Variants in PLIN2 observed in about 807,000 individuals in gnomAD.
PLIN2 encodes the protein perilipin-2.
Under a neutral mutation model 30.6 loss-of-function variants are expected in PLIN2, and 33 were observed. The ratio of observed to expected loss-of-function variants is 1.08; its 90% CI spans 0.82 to 1.44. PLIN2 has a LOEUF of 1.44. Ranked by LOEUF, PLIN2 falls within the 40% of genes most tolerant of loss-of-function variation. The probability of loss-of-function intolerance (pLI) is 0.00; values close to 1 mark genes in which losing one functional copy is unlikely to be tolerated. For synonymous variants in PLIN2, 205 were observed against 201.1 expected, an observed-to-expected ratio of 1.02 and a Z score of -0.16; for missense variants, 610 against 531.8, an observed-to-expected ratio of 1.15 and a Z score of -1.45.
chr9:19,109,809 A>T (rs1818135966), intron 2 of PLIN2, among the ~76,000 whole-genome samples: 1 of 151,790 alleles, frequency 6.6e-6, no homozygotes, highest in Non-Finnish European at 1.5e-5. Context: ...TACAAAAATT[A>T]GCCGGGTATA....
chr9:19,116,657 TA>T lies in PLIN2; in HGVS notation c.913-9del. 1 of 1,607,142 alleles carries T rather than the reference TA, an allele frequency of 6.2e-7. No homozygotes were observed. Among genetic ancestry groups the T allele is most frequent in the Non-Finnish European group, 8.5e-7 (1 of 1,174,812 alleles). On this transcript the variant is annotated splice_polypyrimidine_tract_variant and intron_variant, in intron 7 of 7. Transcript: ENST00000276914. ...AGTACGTGACTCAATGTGCTAAAAATAAAACTTAAAATTAGCAGTGGATCCA... is the reference window on the plus strand; with the variant it reads ...AGTACGTGACTCAATGTGCTAAAAATAAACTTAAAATTAGCAGTGGATCCA...
chr9:19,110,274 C>G (rs536485024), intron 2 of PLIN2, among the ~76,000 whole-genome samples: 1 of 152,046 alleles, frequency 6.6e-6, no homozygotes, highest in South Asian at 2.1e-4. Flanking sequence ...GTGGTCCAAC[C>G]TCCTTGGCTT....
downstream of PLIN2, among the ~76,000 whole-genome samples, chr9:19,113,085 G>GT (rs368098357): frequency 6.3e-4 from 96 of 152,106 alleles, no homozygotes; most frequent in African/African-American, 2.3e-3. Flanking sequence ...GCTCACGCCT[G>GT]TAATCCCAGC....
At chr9:19,109,638 T>A (rs991446656) in intron 2 of PLIN2, among the ~76,000 whole-genome samples, 6 of 151,116 alleles carry the variant, frequency 4.0e-5, no homozygotes, top group Admixed American at 6.6e-5. Flanking sequence ...TGTAGCTGAT[T>A]ACCTAACAGA....
At chr9:19,118,233 T>C (rs1342268062) in intron 7 of PLIN2, 88 bp downstream of exon 7, 1 of 1,287,164 alleles carries the variant, frequency 7.8e-7, no homozygotes, top group Non-Finnish European at 1.1e-6. Flanking sequence ...GAGAAGAGTA[T>C]TCTAAGACAT....
At chr9:19,117,589 A>C (rs1285960434) in intron 7 of PLIN2, among the ~76,000 whole-genome samples, 1 of 149,976 alleles carries the variant, frequency 6.7e-6, no homozygotes, top group Non-Finnish European at 1.5e-5. Flanking sequence ...CCCCACTCCA[A>C]GGCTGCCTGA....
At chr9:19,126,497 A>C in intron 1 of PLIN2, 49 bp from the exon 2 acceptor site, 5 of 1,217,028 alleles carry the variant, frequency 4.1e-6, no homozygotes, top group Non-Finnish European at 6.0e-6. Flanking sequence ...ACTCTCCCAA[A>C]TTCATTCCCC....
chr9:19,126,449 C>G lies in PLIN2; in HGVS notation c.-22-1G>C, dbSNP rs771360926. 17 of 1,593,520 alleles carry G rather than the reference C, an allele frequency of 1.1e-5. No individual in the cohort carries two copies. The Admixed American group carries it at 1.5e-4, about 14-fold the overall frequency. Reference sequence around the variant, plus strand: ...CATTTTTCTTCCTGGAGAAAGAAATCTGCAGAAAAGAGACTTATTTCAGAA... The same window carrying G: ...CATTTTTCTTCCTGGAGAAAGAAATGTGCAGAAAAGAGACTTATTTCAGAA... On this transcript the variant is annotated splice_acceptor_variant, in intron 1 of 7. Coordinates refer to ENST00000276914, the MANE Select transcript of PLIN2 (RefSeq NM_001122.4). LOFTEE classifies it low-confidence loss of function (5UTR_SPLICE).
chr9:19,110,850 T>G (rs771693488), downstream of PLIN2, among the ~76,000 whole-genome samples: 2 of 152,138 alleles, frequency 1.3e-5, no homozygotes, highest in African/African-American at 2.4e-5. Flanking sequence ...ACCTAGAAAG[T>G]ATATTATGTA....
chr9:19,121,311 A>T, intron 4 of PLIN2, 146 bp from the exon 5 acceptor site: 1 of 688,176 alleles, frequency 1.5e-6, no homozygotes, highest in South Asian at 1.9e-5. Context: ...GCAAGTCACT[A>T]AGAGTTGATG....
rs779688213 is a variant in PLIN2, at chr9:19,126,296, C to T, written c.44G>A (p.Arg15Gln). The change falls in exon 3 of 8, where the codon CGG becomes CAG. Residue 15 changes from arginine to glutamine, a missense_variant. Coordinates refer to ENST00000276914, the MANE Select transcript of PLIN2 (RefSeq NM_001122.4). ...GCTCACCAAGGGCAGGTTGACCACC[C>T]GAGTCACCACACTCTGCAATCAAAG... ...AVDPQPSVVT[R>Q]VVNLPLVSST... is the part of the protein sequence containing the mutation. 9 of 1,613,706 alleles carry T rather than the reference C, an allele frequency of 5.6e-6. No homozygotes were observed. Among genetic ancestry groups the T allele is most frequent in the East Asian group, 4.5e-5 (2 of 44,874 alleles).
At chr9:19,125,230 T>C (rs1038725641) in intron 3 of PLIN2, among the ~76,000 whole-genome samples, 47 of 152,322 alleles carry the variant, frequency 3.1e-4, no homozygotes, top group Middle Eastern at 3.4e-3. Context: ...TTTACAACAT[T>C]ATACAACCAT....
rs1335857886 is a variant in PLIN2, at chr9:19,120,510, C to T, written c.595+370G>A. Among the ~76,000 whole-genome samples the T allele has an allele frequency of 5.3e-5, 8 of 152,266 alleles. No homozygotes were observed. The East Asian group carries it at 5.8e-4, about 11-fold the overall frequency. On this transcript the variant is annotated intron_variant, in intron 5 of 7. Transcript: ENST00000276914. ...CTAAGGTTTCAAAACTTACTACGTA[C>T]GATTCAATGTGAACTTTATGATTGC...
At position 19,121,020 on chromosome 9, in the gene PLIN2, G is replaced by A. The variant is rs903781776; in HGVS notation, c.455C>T (p.Thr152Ile). 6.2e-7 allele frequency: 1 copy of A among 1,614,126 alleles called. No homozygotes were observed. Among genetic ancestry groups the A allele is most frequent in the East Asian group, 2.2e-5 (1 of 44,884 alleles). ...KGAVTGSVEKTKSVVSGSINT... is the reference protein window; with the variant it reads ...KGAVTGSVEKIKSVVSGSINT... ...AATGCTGCCACTGACCACAGACTTGGTCTTCTCCACACTGCCAGTCACTGC... is the reference window on the plus strand; with the variant it reads ...AATGCTGCCACTGACCACAGACTTGATCTTCTCCACACTGCCAGTCACTGC... The change falls in exon 5 of 8, where the codon ACC becomes ATC. Residue 152 changes from threonine (T) to isoleucine (I), a missense_variant. Thr to Ile is a moderately conservative substitution (Grantham distance 89, BLOSUM62 -1). Transcript: ENST00000276914.
chr9:19,119,574 T>C, intron 6 of PLIN2, 76 bp downstream of exon 6: 1 of 865,986 alleles, frequency 1.2e-6, no homozygotes, highest in Non-Finnish European at 1.7e-6. Flanking sequence ...TTCTTGGATT[T>C]TGTGATTACA....
chr9:19,108,818 T>C (rs1305646640), intron 2 of PLIN2: 1 of 152,592 alleles, frequency 6.6e-6, no homozygotes, highest in Non-Finnish European at 1.5e-5. Context: ...TCTGAGCTCA[T>C]GGAGACTTTA....
intron 4 of PLIN2, among the ~76,000 whole-genome samples, chr9:19,122,017 G>C (rs972298451): frequency 6.8e-6 from 1 of 146,308 alleles, no homozygotes; most frequent in African/African-American, 2.5e-5. Context: ...GCTGAAGCAG[G>C]ACAATTGCTT....
intron 7 of PLIN2, among the ~76,000 whole-genome samples, chr9:19,117,409 T>G (rs1818245249): frequency 6.6e-6 from 1 of 151,968 alleles, no homozygotes; most frequent in Non-Finnish European, 1.5e-5. Flanking sequence ...TCTGCCTGCC[T>G]TGGCCTCCCA....
chr9:19,109,250 A>T (rs1209536546), intron 2 of PLIN2, among the ~76,000 whole-genome samples: 2 of 152,174 alleles, frequency 1.3e-5, no homozygotes, highest in African/African-American at 4.8e-5. Context: ...TTAGCAAACA[A>T]CAGATTAAAA....
Sources: allele counts gnomAD v4.1 joint callset (sites outside exome capture counted in the v4.1 genomes callset), GRCh38; gene constraint gnomAD v4.1.1; transcripts MANE v1.5; gene names NCBI Gene and HGNC (gene_info 2026-07-23, HGNC 2026-07-21).